BEND4: variants seen among roughly 807,000 people sequenced by gnomAD.
The protein encoded by BEND4 is BEN domain-containing protein 4.
Under a neutral mutation model 54.7 loss-of-function variants are expected in BEND4, and 27 were observed. That is an observed-to-expected ratio of 0.49 (90% CI 0.36 to 0.68). The LOEUF (loss-of-function observed/expected upper bound fraction) is 0.68. Among genes scored for constraint, BEND4 ranks in the 30% least tolerant of loss-of-function variants. BEND4 has a pLI of 0.00. For missense variants in BEND4, 702 were observed against 697.2 expected (o/e 1.01, Z -0.08); for synonymous variants, 327 against 299.5 (o/e 1.09, Z -0.95).
chr4:42,125,234 G>C (rs1170904256), intron 4 of BEND4, among the ~76,000 whole-genome samples: 1 of 152,176 alleles, frequency 6.6e-6, no homozygotes, highest in African/African-American at 2.4e-5. Context: ...CAGTGTGTGA[G>C]GTGCCCAGAG....
In BEND4 at chr4:42,143,546, T is replaced by C. The variant is rs1370227824; in HGVS notation, c.936A>G (p.Glu312=). 6.4e-7 allele frequency: 1 copy of C among 1,558,578 alleles called. No individual in the cohort carries two copies. The change falls in exon 3 of 6, where the codon GAA becomes GAG. Residue 312 remains glutamate, a synonymous_variant. Transcript: ENST00000502486. ...HGHPSSSTLP[E]EEEEEDEEGY... is the part of the protein sequence containing the mutation. ...CTTCCTCGTCCTCCTCCTCCTCCTC[T>C]TCTGGCAGTGTAGATGAAGATGGGT...
intron 3 of BEND4, among the ~76,000 whole-genome samples, chr4:42,127,983 C>G (rs911496412): frequency 6.6e-6 from 1 of 151,972 alleles, no homozygotes; most frequent in Non-Finnish European, 1.5e-5. Context: ...GGAAACACAG[C>G]AAGAACATAT....
chr4:42,117,771 G>GA (rs745683011), intron 5 of BEND4, 36 bp from the exon 6 acceptor site: 20 of 1,415,492 alleles, frequency 1.4e-5, no homozygotes, highest in African/African-American at 2.9e-5. Context: ...AAGAGAGAGA[G>GA]AAAAAAACAG....
chr4:42,151,167 CAA>C (rs1462484762), intron 2 of BEND4: 2 of 152,562 alleles, frequency 1.3e-5, no homozygotes, highest in Non-Finnish European at 2.9e-5. Flanking sequence ...GAGAGTGCAT[CAA>C]AGAGGTGGCG....
At chr4:42,136,236 T>C (rs1189063293) in intron 3 of BEND4, among the ~76,000 whole-genome samples, 1 of 151,564 alleles carries the variant, frequency 6.6e-6, no homozygotes, top group Middle Eastern at 3.2e-3. Flanking sequence ...TGGAGCATAC[T>C]AGCACTCATC....
intron 2 of BEND4, among the ~76,000 whole-genome samples, chr4:42,147,788 G>C (rs1721129332): frequency 6.6e-6 from 1 of 152,052 alleles, no homozygotes; most frequent in South Asian, 2.1e-4. Flanking sequence ...AAATTCGTCT[G>C]AATTTAAGAG....
chr4:42,120,000 C>CAATG (rs1719996166), intron 5 of BEND4, 54 bp downstream of exon 5: 1 of 1,609,198 alleles, frequency 6.2e-7, no homozygotes, highest in African/African-American at 1.3e-5. Context: ...GAGCCACAGC[C>CAATG]AATGCGGTGA....
Position 42,141,765 on chromosome 4 carries a change from T to A in BEND4, c.1054+1663A>T, listed in dbSNP as rs893036025. Among the ~76,000 whole-genome samples the A allele has an allele frequency of 2.6e-5, 4 of 152,114 alleles. No homozygotes were observed. In the South Asian group the frequency reaches 8.3e-4, roughly 32 times the overall value. On this transcript the variant is annotated intron_variant, in intron 3 of 5. Transcript: ENST00000502486. Reference sequence around the variant, plus strand: ...CAATTAAAACAAACAAAAAAAAGGATATAACTTATATTTATGCATATGTAT... The same window carrying A: ...CAATTAAAACAAACAAAAAAAAGGAAATAACTTATATTTATGCATATGTAT...
intron 3 of BEND4, among the ~76,000 whole-genome samples, chr4:42,143,054 C>T (rs146480557): frequency 7.8e-4 from 119 of 152,208 alleles, no homozygotes; most frequent in African/African-American, 2.7e-3. Context: ...GGAAGAGGAC[C>T]ACCTTTTAAG....
In BEND4 at chr4:42,117,537, T is replaced by C. The variant is rs369060238; in HGVS notation, c.1586A>G (p.Gln529Arg). The C allele has an allele frequency of 2.5e-6, 4 of 1,611,522 alleles. No individual in the cohort carries two copies. Among genetic ancestry groups the C allele is most frequent in the African/African-American group, 2.7e-5 (2 of 75,020 alleles). ...TGTCCACTAATCCCCAGATCCATCC[T>C]GGGAACTTTTATTGAAGACTTCATC... Reference protein sequence around the residue: ...SQDEVFNKSSQDGSGD With the variant: ...SQDEVFNKSSRDGSGD The change falls in exon 6 of 6, where the codon CAG becomes CGG. Residue 529 changes from glutamine (Q) to arginine (R), a missense_variant. By Grantham distance (43) the Gln-to-Arg change is conservative. Coordinates refer to ENST00000502486, the MANE Select transcript of BEND4 (RefSeq NM_207406.4).
intron 2 of BEND4, among the ~76,000 whole-genome samples, chr4:42,147,875 A>G (rs1721132240): frequency 6.6e-6 from 1 of 152,162 alleles, no homozygotes; most frequent in Non-Finnish European, 1.5e-5. Flanking sequence ...TCCCTACTTT[A>G]CCGCCCCTCT....
intron 3 of BEND4, among the ~76,000 whole-genome samples, chr4:42,129,046 A>C (rs1173178147): frequency 1.3e-5 from 2 of 152,234 alleles, no homozygotes; most frequent in Admixed American, 6.5e-5. Flanking sequence ...GTCTCAGCCC[A>C]AAAGCTTCTT....
intron 3 of BEND4, among the ~76,000 whole-genome samples, chr4:42,126,990 C>T (rs563117902): frequency 3.7e-4 from 56 of 152,168 alleles, no homozygotes; most frequent in Non-Finnish European, 6.8e-4. Context: ...GTTCTTGTCA[C>T]GTTCAAGAAA....
At chr4:42,151,478 G>A (rs1721279439) in intron 2 of BEND4, 179 bp downstream of exon 2, 3 of 551,954 alleles carry the variant, frequency 5.4e-6, no homozygotes, top group South Asian at 6.4e-5. Context: ...GCCCAGGCGC[G>A]GCGGCGCTGG....
chr4:42,152,482 G>GGCGGCTCC (rs967701060), intron 1 of BEND4, 50 bp downstream of exon 1: 5 of 159,462 alleles, frequency 3.1e-5, no homozygotes, highest in African/African-American at 1.2e-4. Flanking sequence ...GGGTCTGCCT[G>GGCGGCTCC]GCGGCTCCGC....
Position 42,117,351 on chromosome 4 carries a change from A to G in BEND4, c.*167T>C. 1.7e-6 allele frequency: 1 copy of G among 580,330 alleles called. No homozygotes were observed. The highest frequency in any genetic ancestry group is 3.0e-6 in the Non-Finnish European group (1 of 329,280). 35.9% of individuals were successfully genotyped at this position (580,330 alleles called of 1,614,324 possible). ...CAAAAGTCTGTTGTAGGTGCCACAG[A>G]CTTCCCAAACAACCCTAAAATGGAT... On this transcript the variant is annotated 3_prime_UTR_variant, in exon 6 of 6. Coordinates refer to ENST00000502486, the MANE Select transcript of BEND4 (RefSeq NM_207406.4).
In BEND4 at chr4:42,133,334, C is replaced by T. The variant is rs1185695561; in HGVS notation, c.1055-7660G>A. Among the ~76,000 whole-genome samples the T allele has an allele frequency of 2.6e-5, 4 of 152,122 alleles. No homozygotes were observed. The East Asian group carries it at 5.8e-4, about 22-fold the overall frequency. On this transcript the variant is annotated intron_variant, in intron 3 of 5. Transcript: ENST00000502486. ...TAGATGGATGTCCTGCTCAAGAAAA[C>T]GAAAGCCCCCAGGGATGTTATTTAA...
chr4:42,137,912 A>C (rs772145385), intron 3 of BEND4, among the ~76,000 whole-genome samples: 3 of 152,242 alleles, frequency 2.0e-5, no homozygotes, highest in Admixed American at 6.5e-5. Flanking sequence ...GACACCAGTT[A>C]GGATGGCTGT....
intron 4 of BEND4, among the ~76,000 whole-genome samples, chr4:42,122,096 G>A (rs567343562): frequency 4.6e-5 from 7 of 152,222 alleles, no homozygotes; most frequent in African/African-American, 1.7e-4. Flanking sequence ...GTACTTTTGC[G>A]GAGGAAGCTT....
Sources: allele counts gnomAD v4.1 joint callset (sites outside exome capture counted in the v4.1 genomes callset), GRCh38; gene constraint gnomAD v4.1.1; transcripts MANE v1.5; gene names NCBI Gene and HGNC (gene_info 2026-07-23, HGNC 2026-07-21).